Variants in CTNNA3 observed in about 807,000 individuals in gnomAD.
The protein encoded by CTNNA3 is catenin alpha 3.
In CTNNA3, 76 loss-of-function variants were observed where a neutral mutation model predicts 95.7. The ratio of observed to expected loss-of-function variants is 0.79; its 90% CI spans 0.66 to 0.96. The LOEUF (loss-of-function observed/expected upper bound fraction) is 0.96, where lower values mean the gene tolerates loss of function less well. Ranked by LOEUF, CTNNA3 falls within the 40% of genes least tolerant of loss-of-function variation. The pLI, the probability that CTNNA3 is intolerant of heterozygous loss-of-function variation, is 0.00. For synonymous variants in CTNNA3, 431 were observed against 374.4 expected (o/e 1.15, Z -1.74); for missense variants, 1,191 against 1,089.8 (o/e 1.09, Z -1.31).
intron 7 of CTNNA3, among the ~76,000 whole-genome samples, chr10:66,989,092 G>A (rs889451769): frequency 6.6e-6 from 1 of 151,922 alleles, no homozygotes; most frequent in African/African-American, 2.4e-5. Context: ...GTATTTCCTG[G>A]AAATTGTATC....
chr10:67,024,102 C>G (rs1318772286), intron 7 of CTNNA3, among the ~76,000 whole-genome samples: 1 of 152,192 alleles, frequency 6.6e-6, no homozygotes, highest in Non-Finnish European at 1.5e-5. Flanking sequence ...AAAGTCAAGT[C>G]AGCAGGACTG....
chr10:67,652,144 A>T (rs926122485), intron 1 of CTNNA3, among the ~76,000 whole-genome samples: 1 of 152,238 alleles, frequency 6.6e-6, no homozygotes, highest in African/African-American at 2.4e-5. Flanking sequence ...GGCAGATAGC[A>T]GAACACATCA....
chr10:67,742,157 C>T (rs1165702132), intron 1 of CTNNA3, among the ~76,000 whole-genome samples: 1 of 150,960 alleles, frequency 6.6e-6, no homozygotes, highest in Non-Finnish European at 1.5e-5. Flanking sequence ...CCAAGCGGAC[C>T]TAATAGACAC....
At chr10:67,727,634 T>TGCA (rs1841245162) in intron 1 of CTNNA3, among the ~76,000 whole-genome samples, 1 of 128,580 alleles carries the variant, frequency 7.8e-6, no homozygotes, top group East Asian at 2.1e-4. Context: ...GTCTATTATA[T>TGCA]ATTATATATT....
intron 10 of CTNNA3, among the ~76,000 whole-genome samples, chr10:66,551,078 A>G (rs543962716): frequency 1.3e-5 from 2 of 152,166 alleles, no homozygotes; most frequent in East Asian, 1.9e-4. Context: ...ACCCTTTCCA[A>G]TTGTTCTCAA....
intron 13 of CTNNA3, among the ~76,000 whole-genome samples, chr10:66,116,544 AT>A (rs2082347577): frequency 6.6e-6 from 1 of 152,224 alleles, no homozygotes; most frequent in African/African-American, 2.4e-5. Context: ...TGATTCAGTA[AT>A]AAAAAGGAAT....
At chr10:66,702,788 G>A (rs905642668) in intron 9 of CTNNA3, among the ~76,000 whole-genome samples, 15 of 150,372 alleles carry the variant, frequency 1.0e-4, no homozygotes, top group East Asian at 7.9e-4. Context: ...CGTTGTCGTC[G>A]TCTCTCTTTG....
intron 9 of CTNNA3, among the ~76,000 whole-genome samples, chr10:66,757,522 C>T (rs945816111): frequency 4.6e-5 from 7 of 152,110 alleles, no homozygotes; most frequent in African/African-American, 1.7e-4. Flanking sequence ...TAAGCAATAG[C>T]TAAGCAGTTA....
chr10:67,588,462 C>A (rs1042746881), intron 3 of CTNNA3, among the ~76,000 whole-genome samples: 6 of 151,884 alleles, frequency 4.0e-5, no homozygotes, highest in African/African-American at 1.2e-4. Context: ...TGGCTATAAA[C>A]CTTAGTGGTA....
intron 7 of CTNNA3, among the ~76,000 whole-genome samples, chr10:67,154,022 C>A (rs907160256): frequency 6.6e-6 from 1 of 151,864 alleles, no homozygotes; most frequent in African/African-American, 2.4e-5. Flanking sequence ...TGTTAAACAG[C>A]AGCCAAAATT....
chr10:66,682,938 G>T (rs1252384020), intron 9 of CTNNA3, among the ~76,000 whole-genome samples: 2 of 152,184 alleles, frequency 1.3e-5, no homozygotes. Context: ...ACTCATACCT[G>T]CCCTCCTCAT....
intron 7 of CTNNA3, among the ~76,000 whole-genome samples, chr10:67,151,336 T>A (rs1589798625): frequency 6.6e-6 from 1 of 150,904 alleles, no homozygotes. Flanking sequence ...TTACAGTGAA[T>A]AAAAAAAAAT....
chr10:67,729,834 T>C (rs1229296801), intron 1 of CTNNA3, among the ~76,000 whole-genome samples: 1 of 152,168 alleles, frequency 6.6e-6, no homozygotes, highest in Admixed American at 6.5e-5. Flanking sequence ...CACTTTAAAA[T>C]AATTAATTTT....
intron 7 of CTNNA3, among the ~76,000 whole-genome samples, chr10:66,973,262 T>C (rs1014502290): frequency 6.6e-5 from 10 of 152,296 alleles, no homozygotes; most frequent in African/African-American, 2.2e-4. Flanking sequence ...AAGACTATAA[T>C]GTATGAGTTT....
chr10:66,617,757 G>A (rs1438281456), intron 10 of CTNNA3, among the ~76,000 whole-genome samples: 2 of 151,996 alleles, frequency 1.3e-5, no homozygotes, highest in East Asian at 3.9e-4. Context: ...GTTAGGAAAA[G>A]AGGAAGTCAA....
intron 5 of CTNNA3, among the ~76,000 whole-genome samples, chr10:67,327,223 G>A (rs1841576280): frequency 6.6e-6 from 1 of 152,056 alleles, no homozygotes; most frequent in Non-Finnish European, 1.5e-5. Flanking sequence ...TTCTATTTCT[G>A]TCATTTCAGC....
chr10:66,409,144 A>T (rs1210485482), intron 11 of CTNNA3, among the ~76,000 whole-genome samples: 1 of 152,166 alleles, frequency 6.6e-6, no homozygotes, highest in African/African-American at 2.4e-5. Context: ...CTCTAGAAAT[A>T]TGGCTAATAA....
chr10:66,810,659 A>T (rs558268813), intron 7 of CTNNA3, among the ~76,000 whole-genome samples: 1 of 152,168 alleles, frequency 6.6e-6, no homozygotes, highest in Non-Finnish European at 1.5e-5. Context: ...AAAATCTTCA[A>T]TGTTTTCTCA....
intron 11 of CTNNA3, among the ~76,000 whole-genome samples, chr10:66,498,745 C>G (rs1446432693): frequency 2.0e-5 from 3 of 152,074 alleles, no homozygotes; most frequent in Non-Finnish European, 4.4e-5. Flanking sequence ...CTAGAAGAAG[C>G]CTTGATTTGG....
Sources: gnomAD v4.1 joint callset for allele counts (sites outside exome capture counted in the v4.1 genomes callset) on GRCh38, gnomAD v4.1.1 for gene constraint, MANE v1.5 for transcripts, NCBI Gene and HGNC (gene_info 2026-07-23, HGNC 2026-07-21) for gene names.